Variants in PCNT observed in about 807,000 individuals in gnomAD.
The protein encoded by PCNT is kendrin.
PCNT carries 319 observed loss-of-function variants against 380.4 expected under a neutral mutation model. That is an observed-to-expected ratio of 0.84 (90% CI 0.77 to 0.92). The LOEUF (loss-of-function observed/expected upper bound fraction) is 0.92. PCNT is among the 40% of genes least tolerant of loss of function. The pLI, the probability that PCNT is intolerant of heterozygous loss-of-function variation, is 0.00. For synonymous variants in PCNT, 1,845 were observed against 1,735.2 expected (o/e 1.06, Z -1.57); for missense variants, 4,400 against 4,255.3 (o/e 1.03, Z -0.95).
In PCNT at chr21:46,430,186, C is replaced by T. The variant is rs61735821; in HGVS notation, c.7867C>T (p.Leu2623=). 3.8e-3 allele frequency: 6,132 copies of T among 1,613,986 alleles called. 179 individuals carry two copies. In the African/African-American group the frequency reaches 0.068, roughly 18 times the overall value. ...LCESRQKSEQ[L]SRSLCEVQQE... The stretch of plus-strand genomic sequence containing the variant: ...TGAGAGCAGGCAGAAGAGCGAACAG[C>T]TGTCCCGGTCCCTCTGCGAGGTGCA... The change falls in exon 36 of 47, where the codon CTG becomes TTG. Residue 2623 remains leucine (L), a synonymous_variant. Coordinates refer to ENST00000359568, the MANE Select transcript of PCNT (RefSeq NM_006031.6).
At chr21:46,358,819 GA>G (rs1359945241) in intron 13 of PCNT, among the ~76,000 whole-genome samples, 4 of 149,748 alleles carry the variant, frequency 2.7e-5, no homozygotes, top group Admixed American at 2.7e-4. Context: ...TATTTTTTTT[GA>G]GATGGAGTCT....
intron 14 of PCNT, among the ~76,000 whole-genome samples, chr21:46,365,457 G>T (rs1461807897): frequency 7.8e-6 from 1 of 127,916 alleles, no homozygotes; most frequent in African/African-American, 3.0e-5. Flanking sequence ...GTTCACTGCC[G>T]TGGGGTTCTG....
intron 2 of PCNT, among the ~76,000 whole-genome samples, chr21:46,332,033 G>A (rs2083576294): frequency 6.6e-6 from 1 of 152,126 alleles, no homozygotes; most frequent in South Asian, 2.1e-4. Flanking sequence ...CATGGCAGGC[G>A]CCTGTAATCC....
At chr21:46,350,460 A>C (rs181313652) in intron 8 of PCNT, among the ~76,000 whole-genome samples, 1 of 152,158 alleles carries the variant, frequency 6.6e-6, no homozygotes, top group African/African-American at 2.4e-5. Flanking sequence ...ATGCTTCTCT[A>C]ATGAAGCACT....
chr21:46,358,496 C>T (rs1433163060), intron 13 of PCNT, among the ~76,000 whole-genome samples: 2 of 152,260 alleles, frequency 1.3e-5, no homozygotes, highest in African/African-American at 4.8e-5. Flanking sequence ...GGGAGCCGGA[C>T]AGGCGGTAGG....
At chr21:46,354,799 G>A (rs535705965) in intron 11 of PCNT, among the ~76,000 whole-genome samples, 1 of 152,210 alleles carries the variant, frequency 6.6e-6, no homozygotes, top group Non-Finnish European at 1.5e-5. Context: ...GCAGCGGGCT[G>A]TGTGCCAGTT....
chr21:46,399,070 C>T lies in PCNT; in HGVS notation c.4585-520C>T, dbSNP rs541452134. Among the ~76,000 whole-genome samples the T allele has an allele frequency of 1.5e-3, 229 of 151,458 alleles. 1 individual carries two copies. In the South Asian group the frequency reaches 0.021, roughly 14 times the overall value. ...TCCTGACCTCGTGATCTGCCTGCCT[C>T]AGCCTCCCAGAGTGCTGGGATTACA... On this transcript the variant is annotated intron_variant, in intron 24 of 46. Coordinates refer to ENST00000359568, the MANE Select transcript of PCNT (RefSeq NM_006031.6).
At chr21:46,391,637 A>G (rs954038558) in intron 21 of PCNT, among the ~76,000 whole-genome samples, 8 of 152,162 alleles carry the variant, frequency 5.3e-5, no homozygotes, top group African/African-American at 1.9e-4. Context: ...GGTGGAAATA[A>G]GAGGGGCTCT....
At chr21:46,347,270 G>T (rs1324336892) in intron 5 of PCNT, among the ~76,000 whole-genome samples, 187 bp from the exon 6 acceptor site, 1 of 152,290 alleles carries the variant, frequency 6.6e-6, no homozygotes. Flanking sequence ...AGATCGTCCT[G>T]TGTGTCTGGA....
chr21:46,330,491 T>C (rs905813324), intron 2 of PCNT, among the ~76,000 whole-genome samples: 1 of 152,250 alleles, frequency 6.6e-6, no homozygotes, highest in Non-Finnish European at 1.5e-5. Flanking sequence ...GTCTTTCTGC[T>C]GTACACTAAG....
intron 3 of PCNT, among the ~76,000 whole-genome samples, chr21:46,340,665 G>T (rs968533778): frequency 6.6e-6 from 1 of 152,114 alleles, no homozygotes; most frequent in South Asian, 2.1e-4. Flanking sequence ...GGTGCAGTGA[G>T]CCTATCCACT....
rs1383652267 is a variant in PCNT, at chr21:46,363,924, G to A, written c.2599G>A (p.Ala867Thr). Reference protein sequence around the residue: ...KEDCALQLMLARSRFLEERKE... With the variant: ...KEDCALQLMLTRSRFLEERKE... ...AGACTGCGCCCTGCAGCTGATGCTG[G>A]CCCGGAGCAGGTGGGTTTGCAGTGA... is the stretch of plus-strand genomic sequence containing the variant. Residue 867 changes from alanine to threonine, a missense_variant, in exon 14 of 47, where the codon GCC becomes ACC. Transcript: ENST00000359568. The A allele has an allele frequency of 1.2e-6, 2 of 1,607,246 alleles. No homozygotes were observed. The highest frequency in any genetic ancestry group is 1.1e-5 in the South Asian group (1 of 91,040).
chr21:46,343,622 T>TA (rs1453504397), intron 3 of PCNT, among the ~76,000 whole-genome samples: 6 of 152,166 alleles, frequency 3.9e-5, no homozygotes, highest in Admixed American at 3.9e-4. Context: ...ATTAGGGTGA[T>TA]ACTGACTTCA....
At chr21:46,426,649 C>G (rs1280503820) in intron 33 of PCNT, among the ~76,000 whole-genome samples, 1 of 152,208 alleles carries the variant, frequency 6.6e-6, no homozygotes, top group Non-Finnish European at 1.5e-5. Flanking sequence ...CTACCTCCCC[C>G]TCCACACCCC....
rs1017668571 is a variant in PCNT, at chr21:46,381,195, T to C, written c.3166-499T>C. Among the ~76,000 whole-genome samples, 5 of 52,672 alleles carry C rather than the reference T, an allele frequency of 9.5e-5. No individual in the cohort carries two copies. In the South Asian group the frequency reaches 2.6e-3, roughly 28 times the overall value. The allele number at this position is 52,672 out of a possible 152,430, so 34.6% of individuals were successfully genotyped here. On this transcript the variant is annotated intron_variant, in intron 15 of 46. Coordinates refer to ENST00000359568, the MANE Select transcript of PCNT (RefSeq NM_006031.6). Reference sequence around the variant, plus strand: ...CTTCCAAAAAAAAAAAAAAAAAATCTCTGTGTGTGTGTGTGTGTGTGTGTG... The same window carrying C: ...CTTCCAAAAAAAAAAAAAAAAAATCCCTGTGTGTGTGTGTGTGTGTGTGTG...
chr21:46,347,471 A>G lies in PCNT; in HGVS notation c.991A>G (p.Lys331Glu). The change falls in exon 6 of 47, where the codon AAG becomes GAG. Residue 331 changes from lysine (K) to glutamate (E), a missense_variant. Lys to Glu is a moderately conservative substitution (Grantham distance 56, BLOSUM62 1). Transcript: ENST00000359568. Reference sequence around the variant, plus strand: ...TTTTCTTGCAGCTGAGCTGAAGGAGAAGTTACAATCAGAAATGGAGAAAAA... The same window carrying G: ...TTTTCTTGCAGCTGAGCTGAAGGAGGAGTTACAATCAGAAATGGAGAAAAA... ...CGQEAAELKE[K>E]LQSEMEKNAQ... is the part of the protein sequence containing the mutation. The G allele has an allele frequency of 6.2e-7, 1 of 1,613,986 alleles. No individual in the cohort carries two copies. Among genetic ancestry groups the G allele is most frequent in the Admixed American group, 1.7e-5 (1 of 59,992 alleles).
At chr21:46,401,842 T>C in intron 26 of PCNT, 121 bp downstream of exon 26, 2 of 945,326 alleles carry the variant, frequency 2.1e-6, no homozygotes, top group Non-Finnish European at 3.2e-6. Flanking sequence ...GTGTATTCTT[T>C]TCTTTTCTTT....
At chr21:46,440,611 C>T (rs1748493723) in intron 42 of PCNT, among the ~76,000 whole-genome samples, 1 of 152,194 alleles carries the variant, frequency 6.6e-6, no homozygotes, top group Non-Finnish European at 1.5e-5. Context: ...TTCATAGGGG[C>T]TCATTTGATG....
chr21:46,431,407 A>G (rs1052134628), intron 37 of PCNT, 122 bp from the exon 38 acceptor site: 1 of 1,564,402 alleles, frequency 6.4e-7, no homozygotes, highest in Non-Finnish European at 8.7e-7. Context: ...TGTGGCTAAT[A>G]GGGTGCATTT....
Sources: allele counts gnomAD v4.1 joint callset (sites outside exome capture counted in the v4.1 genomes callset), GRCh38; gene constraint gnomAD v4.1.1; transcripts MANE v1.5; gene names NCBI Gene and HGNC (gene_info 2026-07-23, HGNC 2026-07-21).